Variants in XYLB observed in about 807,000 individuals in gnomAD.
XYLB encodes the protein xylulose kinase.
Under a neutral mutation model 78.7 loss-of-function variants are expected in XYLB, and 62 were observed. The ratio of observed to expected loss-of-function variants is 0.79; its 90% confidence interval spans 0.64 to 0.97. The LOEUF is 0.97. XYLB is among the 50% of genes least tolerant of loss of function. The pLI is 0.00. For synonymous variants in XYLB, 245 were observed against 247.4 expected, an observed-to-expected ratio of 0.99 and a Z score of 0.09; for missense variants, 687 against 676.8, an observed-to-expected ratio of 1.02 and a Z score of -0.17.
At chr3:38,408,974 C>T (rs1708456474) in intron 18 of XYLB, among the ~76,000 whole-genome samples, 1 of 152,182 alleles carries the variant, frequency 6.6e-6, no homozygotes, top group Non-Finnish European at 1.5e-5. Flanking sequence ...GGAACTGGTA[C>T]CATTCCTTCT....
intron 17 of XYLB, 118 bp from the exon 18 acceptor site, chr3:38,400,773 C>A (rs936878037): frequency 9.6e-6 from 7 of 728,046 alleles, no homozygotes; most frequent in Non-Finnish European, 1.4e-5. Flanking sequence ...AATTGTGCAA[C>A]CATCACTATA....
chr3:38,367,179 G>A (rs933083537), intron 7 of XYLB, among the ~76,000 whole-genome samples: 10 of 152,178 alleles, frequency 6.6e-5, no homozygotes, highest in Non-Finnish European at 1.0e-4. Context: ...GTCTGAGCAG[G>A]CTGTGTCTGC....
At chr3:38,416,075 G>A (rs1055520159), downstream of XYLB, among the ~76,000 whole-genome samples, 4 of 152,144 alleles carry the variant, frequency 2.6e-5, no homozygotes, top group Non-Finnish European at 5.9e-5. Context: ...ACCAGGTCTC[G>A]CCCTCAACAC....
At chr3:38,388,988 G>T (rs1280664720) in intron 15 of XYLB, among the ~76,000 whole-genome samples, 1 of 147,542 alleles carries the variant, frequency 6.8e-6, no homozygotes, top group Non-Finnish European at 1.5e-5. Context: ...GGTGTTTCTC[G>T]CAGAGGGGGA....
chr3:38,358,549 G>A (rs1009242976), intron 2 of XYLB, among the ~76,000 whole-genome samples: 1 of 151,876 alleles, frequency 6.6e-6, no homozygotes, highest in African/African-American at 2.4e-5. Flanking sequence ...TCACCATATT[G>A]GCCAGGTTGG....
At chr3:38,451,607 G>A in the XYLB span, 1 of 152,512 alleles carries the variant, frequency 6.6e-6, no homozygotes, top group East Asian at 1.9e-4. Flanking sequence ...GGCAATAAGA[G>A]CCAAACTCTG....
At chr3:38,386,578 A>G (rs1001258402) in intron 15 of XYLB, among the ~76,000 whole-genome samples, 3 of 151,714 alleles carry the variant, frequency 2.0e-5, no homozygotes, top group Non-Finnish European at 4.4e-5. Context: ...TTTTGGATTA[A>G]CTGAGCAATG....
At chr3:38,429,470 A>G in the XYLB span, among the ~76,000 whole-genome samples, 1 of 152,198 alleles carries the variant, frequency 6.6e-6, no homozygotes, top group Non-Finnish European at 1.5e-5. Flanking sequence ...GGCTTAAACA[A>G]CAGACATTTA....
chr3:38,441,933 G>A, the XYLB span, among the ~76,000 whole-genome samples: 1 of 152,158 alleles, frequency 6.6e-6, no homozygotes. Flanking sequence ...TAAGGCTGGA[G>A]CTTGTACTAG....
At chr3:38,432,439 T>C in the XYLB span, among the ~76,000 whole-genome samples, 2 of 152,076 alleles carry the variant, frequency 1.3e-5, no homozygotes, top group Non-Finnish European at 2.9e-5. Flanking sequence ...TGGCGGTGTG[T>C]GCCTGTAATC....
intron 2 of XYLB, among the ~76,000 whole-genome samples, chr3:38,358,686 G>C (rs1575461108): frequency 6.6e-6 from 1 of 152,018 alleles, no homozygotes; most frequent in East Asian, 1.9e-4. Context: ...CAGAATGTCT[G>C]GTTACAGTTT....
rs575825008 is a variant in XYLB at position 38,366,921 on chromosome 3, T to C, written c.573+48T>C. On this transcript the variant is annotated intron_variant, in intron 7 of 18. Coordinates refer to ENST00000207870, the MANE Select transcript of XYLB (RefSeq NM_005108.4). ...ATTGAAAGTCACAGTTGAATTCTTT[T>C]CATAATATGTTAGAATAGATACATC... 3.5e-5 allele frequency: 46 copies of C among 1,310,296 alleles called. No individual in the cohort carries two copies. In the South Asian group the frequency reaches 5.3e-4, roughly 15 times the overall value. 81.2% of individuals were successfully genotyped at this position (1,310,296 alleles called of 1,614,324 possible). A position where few individuals can be genotyped will look rare whatever the true frequency, so the allele number is the denominator to read the frequency against.
chr3:38,448,243 C>G, the XYLB span, among the ~76,000 whole-genome samples: 5 of 145,868 alleles, frequency 3.4e-5, no homozygotes, highest in African/African-American at 1.3e-4. Context: ...GAGTAGGGAG[C>G]TGGGGTGGGT....
intron 17 of XYLB, among the ~76,000 whole-genome samples, chr3:38,398,268 G>A (rs1707971717): frequency 6.6e-6 from 1 of 151,520 alleles, no homozygotes; most frequent in Admixed American, 6.6e-5. Context: ...AGGAGTTCGA[G>A]ACCAGCCTGG....
intron 3 of XYLB, 57 bp downstream of exon 3, chr3:38,360,465 C>A: frequency 6.8e-7 from 1 of 1,464,878 alleles, no homozygotes; most frequent in Admixed American, 2.1e-5. Flanking sequence ...CTGGCAGACT[C>A]GGTGATTTGC....
chr3:38,417,657 G>A (rs183087017), downstream of XYLB, among the ~76,000 whole-genome samples: 21 of 151,896 alleles, frequency 1.4e-4, no homozygotes, highest in South Asian at 1.3e-3. Flanking sequence ...CAAGGCGGGC[G>A]GATCATGAAG....
the XYLB span, among the ~76,000 whole-genome samples, chr3:38,447,280 G>A: frequency 6.6e-6 from 1 of 152,028 alleles, no homozygotes; most frequent in East Asian, 1.9e-4. Flanking sequence ...CAATGTTGAC[G>A]AGGATGCAGA....
chr3:38,394,214 C>T (rs915225505), intron 15 of XYLB, among the ~76,000 whole-genome samples: 23 of 152,126 alleles, frequency 1.5e-4, no homozygotes, highest in East Asian at 1.9e-4. Flanking sequence ...ACAACAATTT[C>T]AACTTTTTCT....
chr3:38,443,234 T>C, the XYLB span, among the ~76,000 whole-genome samples: 1 of 152,160 alleles, frequency 6.6e-6, no homozygotes, highest in African/African-American at 2.4e-5. Context: ...CCCTCAATAG[T>C]TAAATGTACC....
Sources: allele counts gnomAD v4.1 joint callset (sites outside exome capture counted in the v4.1 genomes callset), GRCh38; gene constraint gnomAD v4.1.1; transcripts MANE v1.5; gene names NCBI Gene and HGNC (gene_info 2026-07-23, HGNC 2026-07-21).